The following SLC39A14 variants were observed in gnomAD, a reference collection of about 807,000 sequenced individuals.
SLC39A14 encodes the protein solute carrier family 39 member 14, also known as metal cation symporter ZIP14.
A neutral mutation model predicts 45.5 loss-of-function variants in SLC39A14; 19 were observed. That is an observed-to-expected ratio of 0.42 (90% CI 0.29 to 0.61). The LOEUF (loss-of-function observed/expected upper bound fraction) is 0.61, where lower values mean the gene tolerates loss of function less well. Among genes scored for constraint, SLC39A14 ranks in the 20% least tolerant of loss-of-function variants. SLC39A14 has a pLI of 0.22. For missense variants in SLC39A14, 447 were observed against 616.5 expected, an observed-to-expected ratio of 0.73 and a Z score of 2.91; for synonymous variants, 264 against 251.3, an observed-to-expected ratio of 1.05 and a Z score of -0.48.
At chr8:22,411,416 T>A (rs11780055) in intron 3 of SLC39A14, among the ~76,000 whole-genome samples, 37,198 of 152,190 alleles carry the variant, frequency 0.24, 5,298 homozygotes, top group East Asian at 0.49. Flanking sequence ...GACACTGAAT[T>A]TTATGGGCAT....
intron 7 of SLC39A14, 121 bp downstream of exon 7, chr8:22,416,401 C>T: frequency 1.2e-6 from 1 of 818,378 alleles, no homozygotes; most frequent in Non-Finnish European, 2.0e-6. Context: ...ACTGATTTAA[C>T]ACACTCCTAA....
chr8:22,375,873 A>G (rs1467869435), intron 1 of SLC39A14, among the ~76,000 whole-genome samples: 1 of 152,230 alleles, frequency 6.6e-6, no homozygotes, highest in Non-Finnish European at 1.5e-5. Context: ...AAGAGTTGCA[A>G]AAATATAGCA....
chr8:22,376,334 A>ATTT (rs778041310), intron 1 of SLC39A14, among the ~76,000 whole-genome samples: 1,676 of 122,376 alleles, frequency 0.014, 40 homozygotes, highest in African/African-American at 0.049. Flanking sequence ...ACCACACCTA[A>ATTT]TTTTTTTTTT....
downstream of SLC39A14, among the ~76,000 whole-genome samples, chr8:22,425,893 T>TTGTTG (rs1169393746): frequency 7.3e-6 from 1 of 136,422 alleles, no homozygotes; most frequent in South Asian, 2.6e-4. Flanking sequence ...GTTTTTGTTT[T>TTGTTG]TTTTTTGTTT....
At chr8:22,397,840 C>T (rs1407326728) in intron 1 of SLC39A14, among the ~76,000 whole-genome samples, 1 of 152,148 alleles carries the variant, frequency 6.6e-6, no homozygotes, top group African/African-American at 2.4e-5. Flanking sequence ...GGAGAAAGCG[C>T]AGTCTGCTTG....
intron 1 of SLC39A14, among the ~76,000 whole-genome samples, chr8:22,368,650 C>T (rs1315077423): frequency 1.3e-5 from 2 of 152,156 alleles, no homozygotes; most frequent in Non-Finnish European, 2.9e-5. Flanking sequence ...GACTCTCCTG[C>T]CTCAGCCTCC....
downstream of SLC39A14, among the ~76,000 whole-genome samples, chr8:22,423,129 G>A (rs1465773695): frequency 1.3e-5 from 2 of 151,564 alleles, no homozygotes; most frequent in African/African-American, 4.8e-5. Flanking sequence ...AGGCCAAGAA[G>A]GAAACTTTTG....
At chr8:22,381,000 G>C (rs1363701412) in intron 1 of SLC39A14, among the ~76,000 whole-genome samples, 1 of 151,168 alleles carries the variant, frequency 6.6e-6, no homozygotes, top group African/African-American at 2.4e-5. Context: ...TTTATACAGA[G>C]TCTTGCTCTG....
At chr8:22,431,834 A>G (rs1836471878) in intron 8 of SLC39A14, among the ~76,000 whole-genome samples, 2 of 152,240 alleles carry the variant, frequency 1.3e-5, no homozygotes, top group African/African-American at 4.8e-5. Context: ...AGAATTGTTA[A>G]TGTCTAAAAA....
intron 2 of SLC39A14, among the ~76,000 whole-genome samples, chr8:22,406,716 C>T (rs987843602): frequency 1.3e-5 from 2 of 152,042 alleles, no homozygotes; most frequent in Non-Finnish European, 2.9e-5. Context: ...AAAAAAGGGA[C>T]GGGGGAACCA....
chr8:22,419,698 G>C lies in SLC39A14; in HGVS notation c.1479G>C (p.Ter493TyrextTer38). 1 of 1,598,030 alleles carries C rather than the reference G, an allele frequency of 6.3e-7. No individual in the cohort carries two copies. Among genetic ancestry groups the C allele is most frequent in the Non-Finnish European group, 8.5e-7 (1 of 1,172,566 alleles). Residue 493 changes from the stop codon to tyrosine (Y), a stop_lost, in exon 9 of 9, where the codon TAG becomes TAC. Coordinates refer to ENST00000381237, the MANE Select transcript of SLC39A14 (RefSeq NM_001128431.4). ...TMYSGQIQIG[*>Y] is the part of the protein sequence containing the mutation. ...ATTCAGGACAGATCCAGATTGGGTA[G>C]GGCTCTGCCAAGAGCCTGTGGGACT...
At chr8:22,377,233 C>A (rs1833265044) in intron 1 of SLC39A14, among the ~76,000 whole-genome samples, 2 of 151,638 alleles carry the variant, frequency 1.3e-5, no homozygotes, top group Admixed American at 1.3e-4. Context: ...ATTTTGGGAG[C>A]TCCTTCCGGT....
chr8:22,419,940 G>C lies in SLC39A14; in HGVS notation c.*242G>C. On this transcript the variant is annotated 3_prime_UTR_variant, in exon 9 of 9. Coordinates refer to ENST00000381237, the MANE Select transcript of SLC39A14 (RefSeq NM_001128431.4). Reference sequence around the variant, plus strand: ...TCTCCTCACCTCCTTTTCTCTCAGTGACTCTGGAACCTGAATGCAGCTTAC... The same window carrying C: ...TCTCCTCACCTCCTTTTCTCTCAGTCACTCTGGAACCTGAATGCAGCTTAC... The C allele has an allele frequency of 8.3e-7, 1 of 1,211,296 alleles. No homozygotes were observed. The highest frequency in any genetic ancestry group is 1.0e-6 in the Non-Finnish European group (1 of 972,954). 75.0% of individuals were successfully genotyped at this position (1,211,296 alleles called of 1,614,324 possible).
At chr8:22,405,235 G>A (rs1835144024) in intron 2 of SLC39A14, among the ~76,000 whole-genome samples, 1 of 152,214 alleles carries the variant, frequency 6.6e-6, no homozygotes, top group Non-Finnish European at 1.5e-5. Flanking sequence ...GCCTGGGGCT[G>A]GGCACAGTGG....
At chr8:22,393,080 C>A in intron 1 of SLC39A14, 1 of 247,468 alleles carries the variant, frequency 4.0e-6, no homozygotes, top group Non-Finnish European at 6.4e-6. Context: ...CTCCCATCAG[C>A]GCGAGGTTTC....
intron 8 of SLC39A14, among the ~76,000 whole-genome samples, chr8:22,429,043 C>T (rs1180047668): frequency 6.6e-6 from 1 of 151,950 alleles, no homozygotes; most frequent in Non-Finnish European, 1.5e-5. Flanking sequence ...GAGGCCGAGG[C>T]GGGTGGATCG....
chr8:22,404,620 G>A, intron 1 of SLC39A14, 76 bp from the exon 2 acceptor site: 1 of 1,387,294 alleles, frequency 7.2e-7, no homozygotes, highest in Non-Finnish European at 1.0e-6. Context: ...CATGTTCAGT[G>A]TGTGGCGGGC....
chr8:22,399,487 T>A (rs1834724836), intron 1 of SLC39A14, among the ~76,000 whole-genome samples: 1 of 152,214 alleles, frequency 6.6e-6, no homozygotes, highest in African/African-American at 2.4e-5. Flanking sequence ...TCTCAAGCGC[T>A]GGCCAGGCAG....
At chr8:22,406,089 A>C (rs1835190333) in intron 2 of SLC39A14, among the ~76,000 whole-genome samples, 1 of 152,202 alleles carries the variant, frequency 6.6e-6, no homozygotes, top group Admixed American at 6.5e-5. Flanking sequence ...TGCAGTCATC[A>C]GGGAAGGCTC....
Sources: gnomAD v4.1 joint callset for allele counts (sites outside exome capture counted in the v4.1 genomes callset) on GRCh38, gnomAD v4.1.1 for gene constraint, MANE v1.5 for transcripts, NCBI Gene and HGNC (gene_info 2026-07-23, HGNC 2026-07-21) for gene names.